The following NOP58 variants were observed in gnomAD, a reference collection of about 807,000 sequenced individuals.
NOP58 encodes NOP58 ribonucleoprotein, also known as nucleolar protein 58.
NOP58 carries 44 observed loss-of-function variants against 71.2 expected under a neutral mutation model. That is an observed-to-expected ratio of 0.62 (90% CI 0.49 to 0.79). The LOEUF is 0.79. Among genes scored for constraint, NOP58 ranks in the 30% least tolerant of loss-of-function variants. The pLI, the probability that NOP58 is intolerant of heterozygous loss-of-function variation, is 0.00. For synonymous variants in NOP58, 228 were observed against 200.3 expected, an observed-to-expected ratio of 1.14 and a Z score of -1.17; for missense variants, 538 against 620.2, an observed-to-expected ratio of 0.87 and a Z score of 1.41.
chr2:202,302,195 C>G (rs1159376749), intron 13 of NOP58, among the ~76,000 whole-genome samples: 1 of 143,524 alleles, frequency 7.0e-6, no homozygotes, highest in Non-Finnish European at 1.5e-5. Context: ...TCAAGCAATT[C>G]TCGTGCTTCA....
At chr2:202,271,472 C>T (rs541611302) in intron 1 of NOP58, among the ~76,000 whole-genome samples, 1 of 151,334 alleles carries the variant, frequency 6.6e-6, no homozygotes, top group Admixed American at 6.6e-5. Flanking sequence ...GAGGCTGAGG[C>T]AGGAGAGTTG....
intron 10 of NOP58, 151 bp from the exon 11 acceptor site, chr2:202,297,228 G>C (rs1689008372): frequency 1.6e-6 from 1 of 622,514 alleles, no homozygotes; most frequent in Admixed American, 3.2e-5. Flanking sequence ...GGTGATATAT[G>C]GCCATTAGAT....
intron 5 of NOP58, among the ~76,000 whole-genome samples, chr2:202,286,254 CA>C (rs1197129676): frequency 3.3e-5 from 5 of 151,054 alleles, no homozygotes; most frequent in Non-Finnish European, 5.9e-5. Context: ...TAATACATCC[CA>C]GCACTTTGCG....
At chr2:202,276,062 G>C (rs1341947045) in intron 2 of NOP58, among the ~76,000 whole-genome samples, 1 of 152,166 alleles carries the variant, frequency 6.6e-6, no homozygotes, top group African/African-American at 2.4e-5. Flanking sequence ...ACTGTTGCCT[G>C]GTGTGGTGGC....
At chr2:202,276,520 C>T in intron 2 of NOP58, 1 of 511,054 alleles carries the variant, frequency 2.0e-6, no homozygotes, top group Middle Eastern at 3.6e-4. Context: ...AACGATGAAT[C>T]AACTATATGT....
At chr2:202,293,097 A>G (rs1312536952) in intron 9 of NOP58, 194 bp downstream of exon 9, 3 of 758,290 alleles carry the variant, frequency 4.0e-6, no homozygotes, top group Non-Finnish European at 7.2e-6. Context: ...CCTTTTGGAT[A>G]ATGAAGGCAT....
intron 9 of NOP58, among the ~76,000 whole-genome samples, chr2:202,293,303 A>G (rs1688935644): frequency 6.6e-6 from 1 of 152,178 alleles, no homozygotes; most frequent in Admixed American, 6.5e-5. Context: ...ACTGTAGAGG[A>G]TTTGTGCCCT....
chr2:202,282,506 G>A (rs1269138029), intron 4 of NOP58, 34 bp downstream of exon 4: 1 of 1,590,254 alleles, frequency 6.3e-7, no homozygotes, highest in African/African-American at 1.4e-5. Context: ...ATGCCTGCTA[G>A]TCAGATCTCA....
At chr2:202,284,303 C>CT (rs751137102) in intron 4 of NOP58, 42 bp from the exon 5 acceptor site, 39,097 of 1,166,416 alleles carry the variant, frequency 0.034, 83 homozygotes, top group Non-Finnish European at 0.038. Flanking sequence ...TCAGGAAAGT[C>CT]TTTTTTTTTT....
chr2:202,269,890 G>A (rs75750675), intron 1 of NOP58, among the ~76,000 whole-genome samples: 3 of 152,190 alleles, frequency 2.0e-5, no homozygotes, highest in Non-Finnish European at 4.4e-5. Flanking sequence ...TTTCACATGA[G>A]ATGTAACTGA....
At chr2:202,284,534 A>C (rs528368233) in intron 5 of NOP58, 53 bp downstream of exon 5, 1 of 1,572,684 alleles carries the variant, frequency 6.4e-7, no homozygotes, top group East Asian at 2.2e-5. Flanking sequence ...TAAGCGCTTA[A>C]CATAGATCTG....
At chr2:202,287,107 G>T (rs899302512) in intron 5 of NOP58, among the ~76,000 whole-genome samples, 92 of 103,020 alleles carry the variant, frequency 8.9e-4, no homozygotes, top group African/African-American at 2.8e-3. Flanking sequence ...TTGCTTTGTT[G>T]CCCAGGCTGG....
At chr2:202,294,384 C>G (rs1688955495) in intron 9 of NOP58, among the ~76,000 whole-genome samples, 1 of 145,526 alleles carries the variant, frequency 6.9e-6, no homozygotes, top group Non-Finnish European at 1.5e-5. Context: ...ACTTTTAAAA[C>G]TATGTCTAGT....
chr2:202,300,714 A>AT (rs1689077605), intron 13 of NOP58, among the ~76,000 whole-genome samples: 1 of 152,220 alleles, frequency 6.6e-6, no homozygotes, highest in Admixed American at 6.5e-5. Flanking sequence ...TGAATACAGA[A>AT]TTGATGGAAC....
At position 202,282,337 on chromosome 2, in the gene NOP58, T is replaced by C; in HGVS notation, c.176-14T>C. The C allele has an allele frequency of 6.3e-7, 1 of 1,588,422 alleles. No homozygotes were observed. Among genetic ancestry groups the C allele is most frequent in the African/African-American group, 1.4e-5 (1 of 73,290 alleles). On this transcript the variant is annotated splice_polypyrimidine_tract_variant and intron_variant, in intron 3 of 14. Transcript: ENST00000264279. ...TTGAGAGTTAATGCTTTTGTTTTTC[T>C]TTTTCTTGAAAAGCATTCACAGCTC...
chr2:202,303,123 T>C (rs1308983544), intron 14 of NOP58, 66 bp downstream of exon 14: 1 of 1,529,584 alleles, frequency 6.5e-7, no homozygotes, highest in African/African-American at 1.4e-5. Context: ...CAATCTATTT[T>C]CTATATCAGA....
In NOP58 at chr2:202,300,274, C is replaced by A. The variant is rs1157377155; in HGVS notation, c.1309C>A (p.Pro437Thr). ...CGATCCTTCTGGTGACTCCACACTT[C>A]CAACCTGTTCTAAAAAACGCAAAAT... ...TYDPSGDSTL[P>T]TCSKKRKIEQ... Residue 437 changes from proline to threonine, a missense_variant, in exon 13 of 15, where the codon CCA becomes ACA. Pro to Thr is a conservative substitution (Grantham distance 38). Transcript: ENST00000264279. The A allele has an allele frequency of 6.2e-7, 1 of 1,601,470 alleles. No homozygotes were observed. The highest frequency in any genetic ancestry group is 8.5e-7 in the Non-Finnish European group (1 of 1,177,312).
chr2:202,301,390 G>A (rs1689089072), intron 13 of NOP58, among the ~76,000 whole-genome samples: 1 of 151,768 alleles, frequency 6.6e-6, no homozygotes, highest in Non-Finnish European at 1.5e-5. Context: ...TCACCATGTT[G>A]GCCAGCCTGG....
At chr2:202,297,984 T>G (rs903561349) in intron 12 of NOP58, 78 bp downstream of exon 12, 15 of 857,690 alleles carry the variant, frequency 1.7e-5, no homozygotes, top group Admixed American at 1.2e-4. Flanking sequence ...TATTGTAAAC[T>G]TCACCTTGAT....
Sources: allele counts gnomAD v4.1 joint callset (sites outside exome capture counted in the v4.1 genomes callset), GRCh38; gene constraint gnomAD v4.1.1; transcripts MANE v1.5; gene names NCBI Gene and HGNC (gene_info 2026-07-23, HGNC 2026-07-21).